The following SHISA6 variants were observed in gnomAD, a reference collection of about 807,000 sequenced individuals.
SHISA6 encodes shisa family member 6.
In SHISA6, 22 loss-of-function variants were observed where a neutral mutation model predicts 47.9. The ratio of observed to expected loss-of-function variants is 0.46; its 90% CI spans 0.33 to 0.66. The LOEUF is 0.66. SHISA6 is among the 30% of genes least tolerant of loss of function. The probability of loss-of-function intolerance (pLI) is 0.02; values close to 1 mark genes in which losing one functional copy is unlikely to be tolerated. For synonymous variants in SHISA6, 388 were observed against 337.8 expected (o/e 1.15, Z -1.63); for missense variants, 680 against 764.6 (o/e 0.89, Z 1.30).
intron 1 of SHISA6, among the ~76,000 whole-genome samples, chr17:11,248,425 G>A (rs1907673239): frequency 6.6e-6 from 1 of 152,196 alleles, no homozygotes; most frequent in South Asian, 2.1e-4. Context: ...GGGTGGGTGA[G>A]CTTGGAGGTT....
intron 1 of SHISA6, among the ~76,000 whole-genome samples, chr17:11,255,810 A>G (rs28582516): frequency 0.092 from 13,975 of 152,152 alleles, 698 homozygotes; most frequent in East Asian, 0.19. Context: ...TCTTCTGCCT[A>G]TGCTTTTGTT....
In SHISA6 at chr17:11,547,085, A is replaced by C. The variant is rs1230964264; in HGVS notation, c.896-4811A>C. Among the ~76,000 whole-genome samples, 3 of 152,354 alleles carry C rather than the reference A, an allele frequency of 2.0e-5. No homozygotes were observed. The East Asian group carries it at 5.8e-4, about 29-fold the overall frequency. ...AATTCTGTAACAAATACAAAGAGGA[A>C]GTGATGGGAACACAAGAGTAGTGGA... is the stretch of plus-strand genomic sequence containing the variant. On this transcript the variant is annotated intron_variant, in intron 3 of 5. Coordinates refer to ENST00000441885, the MANE Select transcript of SHISA6 (RefSeq NM_207386.4).
chr17:11,445,717 T>C (rs1437912722), intron 3 of SHISA6, among the ~76,000 whole-genome samples: 4 of 152,140 alleles, frequency 2.6e-5, no homozygotes, highest in Non-Finnish European at 5.9e-5. Context: ...GGGGAGGTAA[T>C]AACTACAAAC....
At chr17:11,533,593 T>A (rs867669152) in intron 3 of SHISA6, among the ~76,000 whole-genome samples, 2,606 of 139,756 alleles carry the variant, frequency 0.019, 81 homozygotes, top group African/African-American at 0.064. Flanking sequence ...CATTATTTTT[T>A]TTTTTTTTTT....
At chr17:11,247,671 G>C (rs951267043) in intron 1 of SHISA6, among the ~76,000 whole-genome samples, 1 of 151,984 alleles carries the variant, frequency 6.6e-6, no homozygotes, top group Non-Finnish European at 1.5e-5. Flanking sequence ...AGTACGTTTT[G>C]TAGTTTCTGT....
intron 3 of SHISA6, among the ~76,000 whole-genome samples, chr17:11,542,175 C>T (rs570528799): frequency 6.6e-6 from 1 of 152,228 alleles, no homozygotes; most frequent in South Asian, 2.1e-4. Flanking sequence ...CTGGCAACTG[C>T]TACTGTGGTC....
chr17:11,356,099 T>C (rs180715241), intron 2 of SHISA6, among the ~76,000 whole-genome samples: 301 of 152,334 alleles, frequency 2.0e-3, no homozygotes, highest in Non-Finnish European at 3.7e-3. Context: ...AAGTTAGTTG[T>C]ATGTAGAGAA....
intron 3 of SHISA6, among the ~76,000 whole-genome samples, chr17:11,385,048 C>T (rs1447686725): frequency 2.0e-5 from 3 of 152,056 alleles, no homozygotes. Context: ...TCAGAGAAGA[C>T]AGAAATAAAT....
intron 3 of SHISA6, among the ~76,000 whole-genome samples, chr17:11,477,716 A>G (rs556340283): frequency 0.026 from 3,821 of 147,804 alleles, 185 homozygotes; most frequent in African/African-American, 0.091. Flanking sequence ...AATGATTTCC[A>G]GTTTCATCCA....
intron 3 of SHISA6, among the ~76,000 whole-genome samples, chr17:11,522,587 A>G (rs950794687): frequency 6.6e-6 from 1 of 152,172 alleles, no homozygotes; most frequent in East Asian, 1.9e-4. Context: ...TTTATTTAAA[A>G]TGTGCCTATG....
At chr17:11,433,715 T>C (rs1914855409) in intron 3 of SHISA6, among the ~76,000 whole-genome samples, 1 of 152,126 alleles carries the variant, frequency 6.6e-6, no homozygotes, top group Non-Finnish European at 1.5e-5. Flanking sequence ...AAATCCTGGC[T>C]TAGAAACATT....
chr17:11,495,326 T>G (rs2071399274), intron 3 of SHISA6, among the ~76,000 whole-genome samples: 1 of 152,134 alleles, frequency 6.6e-6, no homozygotes. Flanking sequence ...TCACCTTTCC[T>G]GGGGTTCATA....
chr17:11,545,854 C>T (rs2071878766), intron 3 of SHISA6, among the ~76,000 whole-genome samples: 5 of 152,206 alleles, frequency 3.3e-5, no homozygotes, highest in Admixed American at 3.3e-4. Flanking sequence ...TTCCTTACAA[C>T]TTGGCAGCTG....
intron 2 of SHISA6, among the ~76,000 whole-genome samples, chr17:11,341,208 G>T (rs779545667): frequency 1.6e-4 from 24 of 152,036 alleles, no homozygotes; most frequent in Non-Finnish European, 2.2e-4. Context: ...ATTCTACAGT[G>T]TTAATGCAAC....
intron 3 of SHISA6, among the ~76,000 whole-genome samples, chr17:11,434,821 G>A (rs542605106): frequency 5.9e-5 from 9 of 152,214 alleles, no homozygotes; most frequent in East Asian, 1.9e-4. Context: ...TATCCAAAGC[G>A]GAGGACAGGG....
intron 3 of SHISA6, among the ~76,000 whole-genome samples, chr17:11,390,505 C>T (rs1913348821): frequency 6.6e-6 from 1 of 152,180 alleles, no homozygotes; most frequent in Admixed American, 6.5e-5. Flanking sequence ...CTCCCAGGCC[C>T]CACCCCAAAC....
intron 1 of SHISA6, among the ~76,000 whole-genome samples, chr17:11,243,902 G>T (rs1413439167): frequency 6.6e-6 from 1 of 152,212 alleles, no homozygotes; most frequent in Non-Finnish European, 1.5e-5. Context: ...AAAACTGCCT[G>T]CTGCCCTGAC....
intron 3 of SHISA6, among the ~76,000 whole-genome samples, chr17:11,524,325 T>C (rs1239736709): frequency 6.6e-6 from 1 of 152,060 alleles, no homozygotes; most frequent in African/African-American, 2.4e-5. Flanking sequence ...TTTTCTTCTA[T>C]AGGTTAATAT....
At chr17:11,542,551 T>C (rs2193110) in intron 3 of SHISA6, among the ~76,000 whole-genome samples, 9,279 of 152,252 alleles carry the variant, frequency 0.061, 374 homozygotes, top group Middle Eastern at 0.089. Flanking sequence ...AATTCACACA[T>C]ATTAATTGTT....
Sources: gnomAD v4.1 joint callset for allele counts (sites outside exome capture counted in the v4.1 genomes callset) on GRCh38, gnomAD v4.1.1 for gene constraint, MANE v1.5 for transcripts, NCBI Gene and HGNC (gene_info 2026-07-23, HGNC 2026-07-21) for gene names.